FBXO21: variants seen among roughly 807,000 people sequenced by gnomAD.
FBXO21 encodes F-box only protein 21.
In FBXO21, 32 loss-of-function variants were observed where a neutral mutation model predicts 76.6. That is an observed-to-expected ratio of 0.42 (90% CI 0.32 to 0.56). The LOEUF (loss-of-function observed/expected upper bound fraction) is 0.56. Among genes scored for constraint, FBXO21 ranks in the 20% least tolerant of loss-of-function variants. The pLI is 0.16. For missense variants in FBXO21, 586 were observed against 797.3 expected (o/e 0.73, Z 3.19); for synonymous variants, 328 against 311.5 (o/e 1.05, Z -0.56).
intron 11 of FBXO21, among the ~76,000 whole-genome samples, chr12:117,148,491 G>A (rs757475472): frequency 2.0e-4 from 31 of 152,264 alleles, no homozygotes; most frequent in Non-Finnish European, 2.6e-4. Flanking sequence ...GGGGTAGAAA[G>A]GTTGTACCAC....
chr12:117,160,008 G>A (rs777657428), intron 9 of FBXO21, among the ~76,000 whole-genome samples: 44 of 152,214 alleles, frequency 2.9e-4, no homozygotes, highest in Non-Finnish European at 1.2e-4. Context: ...TCTAGGGCTA[G>A]AATGCCGCAA....
chr12:117,153,823 T>C (rs1005184346), intron 11 of FBXO21, among the ~76,000 whole-genome samples: 2 of 152,240 alleles, frequency 1.3e-5, no homozygotes, highest in African/African-American at 4.8e-5. Context: ...TTTAGTTCCA[T>C]CTCAATTTAA....
At chr12:117,163,983 T>C (rs1394320226) in intron 9 of FBXO21, among the ~76,000 whole-genome samples, 12 of 146,444 alleles carry the variant, frequency 8.2e-5, no homozygotes, top group Admixed American at 6.9e-5. Context: ...AATAAATAAA[T>C]AGGCAGGGTG....
At chr12:117,161,724 C>T (rs997165638) in intron 9 of FBXO21, among the ~76,000 whole-genome samples, 4 of 152,100 alleles carry the variant, frequency 2.6e-5, no homozygotes, top group Non-Finnish European at 4.4e-5. Context: ...GCAGCCACAG[C>T]AGACAGGCAG....
intron 7 of FBXO21, among the ~76,000 whole-genome samples, chr12:117,170,577 C>T (rs1441292262): frequency 3.3e-5 from 5 of 152,118 alleles, no homozygotes; most frequent in Non-Finnish European, 7.3e-5. Context: ...CAGAAAGGGC[C>T]ATAGCCCAGC....
At position 117,174,174 on chromosome 12, in the gene FBXO21, T is replaced by C. The variant is rs767677683; in HGVS notation, c.876+31A>G. 9 of 1,550,360 alleles carry C rather than the reference T, an allele frequency of 5.8e-6. 1 individual carries two copies. The South Asian group carries it at 8.9e-5, about 15-fold the overall frequency. On this transcript the variant is annotated intron_variant, in intron 6 of 11. Transcript: ENST00000622495. ...AAAAAAGTTACTATACCTATATTAC[T>C]ATACCCATATATTACTGTACCTATA...
chr12:117,185,000 G>A (rs11068392), intron 3 of FBXO21, among the ~76,000 whole-genome samples: 30,216 of 151,910 alleles, frequency 0.2, 3,406 homozygotes, highest in East Asian at 0.43. Context: ...ACAGAGGTGG[G>A]GGCAGGAAAG....
chr12:117,148,266 C>T (rs1484746065), intron 11 of FBXO21, among the ~76,000 whole-genome samples: 5 of 152,184 alleles, frequency 3.3e-5, no homozygotes, highest in African/African-American at 1.2e-4. Context: ...CTGAACAAAT[C>T]AGTACCGCTG....
At chr12:117,168,221 T>C (rs1361433231) in intron 7 of FBXO21, among the ~76,000 whole-genome samples, 1 of 152,244 alleles carries the variant, frequency 6.6e-6, no homozygotes, top group African/African-American at 2.4e-5. Context: ...GTCATATTTA[T>C]AACCTACCCT....
At chr12:117,188,862 TAC>T (rs1956315602) in intron 2 of FBXO21, 1 of 208,526 alleles carries the variant, frequency 4.8e-6, no homozygotes, top group East Asian at 1.1e-4. Flanking sequence ...GGGAGAAATT[TAC>T]AGTGTTCAAT....
intron 11 of FBXO21, among the ~76,000 whole-genome samples, chr12:117,150,956 T>TG (rs1955834158): frequency 3.2e-5 from 3 of 94,652 alleles, no homozygotes; most frequent in Admixed American, 2.5e-4. Context: ...TCAAATAAGT[T>TG]TGTGTGTGTG....
intron 9 of FBXO21, among the ~76,000 whole-genome samples, chr12:117,158,916 A>T (rs888522050): frequency 4.6e-5 from 7 of 152,210 alleles, no homozygotes; most frequent in African/African-American, 1.7e-4. Flanking sequence ...TACAGCCCTT[A>T]GCATAGAATT....
intron 8 of FBXO21, among the ~76,000 whole-genome samples, chr12:117,166,503 T>TA (rs1420914574): frequency 6.6e-6 from 1 of 151,588 alleles, no homozygotes; most frequent in Admixed American, 6.6e-5. Context: ...AAAACTGCTC[T>TA]AAAAAATAGT....
intron 7 of FBXO21, among the ~76,000 whole-genome samples, chr12:117,172,259 C>A (rs1592887682): frequency 6.6e-6 from 1 of 152,148 alleles, no homozygotes; most frequent in East Asian, 1.9e-4. Flanking sequence ...TTCCCAGTCT[C>A]CCCTGATGGT....
chr12:117,154,700 A>G (rs909369909), intron 11 of FBXO21, among the ~76,000 whole-genome samples: 1 of 152,152 alleles, frequency 6.6e-6, no homozygotes, highest in Non-Finnish European at 1.5e-5. Flanking sequence ...AGCTCAAGCA[A>G]TCCTCCTGCC....
chr12:117,169,493 A>G (rs1321931552), intron 7 of FBXO21, among the ~76,000 whole-genome samples: 1 of 152,208 alleles, frequency 6.6e-6, no homozygotes, highest in Non-Finnish European at 1.5e-5. Flanking sequence ...ACAACAAAAA[A>G]ATATACTTCT....
intron 11 of FBXO21, among the ~76,000 whole-genome samples, chr12:117,147,723 G>A (rs1162938280): frequency 3.3e-5 from 5 of 152,124 alleles, no homozygotes; most frequent in African/African-American, 7.2e-5. Context: ...TGCTTTGTGC[G>A]CCCTTCTTTG....
intron 7 of FBXO21, among the ~76,000 whole-genome samples, chr12:117,168,395 A>G (rs556056269): frequency 7.6e-4 from 116 of 152,120 alleles, no homozygotes; most frequent in African/African-American, 2.5e-3. Context: ...GTGGTGGTGC[A>G]TGCCTGAAAT....
chr12:117,189,456 C>G, intron 1 of FBXO21, 94 bp from the exon 2 acceptor site: 2 of 1,392,296 alleles, frequency 1.4e-6, no homozygotes, highest in Non-Finnish European at 1.0e-6. Flanking sequence ...ACAGCAGTGG[C>G]GTCCAGTGGT....
Sources: allele counts gnomAD v4.1 joint callset (sites outside exome capture counted in the v4.1 genomes callset), GRCh38; gene constraint gnomAD v4.1.1; transcripts MANE v1.5; gene names NCBI Gene and HGNC (gene_info 2026-07-23, HGNC 2026-07-21).